PCLO: variants seen among roughly 807,000 people sequenced by gnomAD.
PCLO encodes protein piccolo.
A neutral mutation model predicts 427.5 loss-of-function variants in PCLO; 82 were observed. The observed-to-expected ratio is 0.19, with a 90% confidence interval of 0.16 to 0.23. The LOEUF is 0.23. Among genes scored for constraint, PCLO ranks in the 10% least tolerant of loss-of-function variants. PCLO has a pLI of 1.00. For synonymous variants in PCLO, 2,357 were observed against 2,155.4 expected, an observed-to-expected ratio of 1.09 and a Z score of -2.59; for missense variants, 6,239 against 6,115.9, an observed-to-expected ratio of 1.02 and a Z score of -0.67.
intron 2 of PCLO, among the ~76,000 whole-genome samples, chr7:83,150,716 A>G (rs933973451): frequency 3.3e-5 from 5 of 152,154 alleles, no homozygotes; most frequent in African/African-American, 9.7e-5. Flanking sequence ...AACAAAAAAT[A>G]TTAGAGAAAT....
intron 6 of PCLO, among the ~76,000 whole-genome samples, chr7:82,942,460 T>G (rs1795108167): frequency 6.6e-6 from 1 of 152,160 alleles, no homozygotes; most frequent in Admixed American, 6.5e-5. Context: ...ATTTGATTTT[T>G]TCTGAAAATC....
chr7:82,937,682 T>C (rs1014020151), intron 6 of PCLO, among the ~76,000 whole-genome samples: 2 of 151,714 alleles, frequency 1.3e-5, no homozygotes, highest in African/African-American at 4.8e-5. Context: ...ATATTTACAA[T>C]GTTATCCACC....
At chr7:83,059,376 A>G (rs916888199) in intron 3 of PCLO, among the ~76,000 whole-genome samples, 1 of 116,918 alleles carries the variant, frequency 8.6e-6, no homozygotes, top group East Asian at 3.0e-4. Context: ...ATATATATAT[A>G]TATAAAAATG....
At chr7:83,102,505 T>C (rs982266534) in intron 3 of PCLO, among the ~76,000 whole-genome samples, 1 of 151,966 alleles carries the variant, frequency 6.6e-6, no homozygotes, top group African/African-American at 2.4e-5. Context: ...GGTGGAAAAA[T>C]ACAGACTTCG....
chr7:82,847,642 T>C (rs1406839721), intron 10 of PCLO, among the ~76,000 whole-genome samples: 2 of 152,280 alleles, frequency 1.3e-5, no homozygotes, highest in East Asian at 1.9e-4. Flanking sequence ...ACTAGAAGAA[T>C]GTATTTGGTA....
intron 1 of PCLO, among the ~76,000 whole-genome samples, chr7:83,161,979 C>T (rs930513466): frequency 6.6e-6 from 1 of 152,180 alleles, no homozygotes; most frequent in Non-Finnish European, 1.5e-5. Context: ...AGGTAAACAC[C>T]CAGCTCTATC....
At chr7:82,999,213 A>C (rs938103297) in intron 3 of PCLO, among the ~76,000 whole-genome samples, 2 of 145,858 alleles carry the variant, frequency 1.4e-5, no homozygotes, top group African/African-American at 5.0e-5. Context: ...ATACCTATTA[A>C]AGATATATGG....
intron 8 of PCLO, among the ~76,000 whole-genome samples, chr7:82,903,542 A>T (rs1025690208): frequency 1.3e-5 from 2 of 151,996 alleles, no homozygotes; most frequent in Non-Finnish European, 2.9e-5. Context: ...TTCTGAAACA[A>T]AAGTAAATTA....
intron 15 of PCLO, among the ~76,000 whole-genome samples, chr7:82,836,184 A>C (rs1208066183): frequency 6.6e-6 from 1 of 152,148 alleles, no homozygotes; most frequent in Non-Finnish European, 1.5e-5. Context: ...TAATAAATAA[A>C]AGATAGATAC....
chr7:83,052,711 T>C (rs1583961028), intron 3 of PCLO, among the ~76,000 whole-genome samples: 1 of 152,142 alleles, frequency 6.6e-6, no homozygotes, highest in East Asian at 1.9e-4. Flanking sequence ...GGTTGTTCTA[T>C]AGCTGTTAGT....
chr7:82,990,851 G>A (rs1796360291), intron 3 of PCLO, among the ~76,000 whole-genome samples: 1 of 151,842 alleles, frequency 6.6e-6, no homozygotes, highest in Non-Finnish European at 1.5e-5. Flanking sequence ...GATAAAATAG[G>A]CAAATAAGAT....
At chr7:83,147,074 A>T (rs1345626286) in intron 2 of PCLO, among the ~76,000 whole-genome samples, 1 of 151,870 alleles carries the variant, frequency 6.6e-6, no homozygotes, top group African/African-American at 2.4e-5. Flanking sequence ...AAAATAAAAA[A>T]AAAAAAGGCT....
At chr7:82,991,490 C>A (rs1796375895) in intron 3 of PCLO, among the ~76,000 whole-genome samples, 1 of 152,098 alleles carries the variant, frequency 6.6e-6, no homozygotes, top group African/African-American at 2.4e-5. Flanking sequence ...TTTTTACTAT[C>A]ATGAACCCTA....
intron 3 of PCLO, among the ~76,000 whole-genome samples, chr7:82,999,440 A>C (rs1179490778): frequency 8.5e-6 from 1 of 117,148 alleles, no homozygotes; most frequent in East Asian, 2.6e-4. Flanking sequence ...TTTATTATAT[A>C]TTATTCCATT....
chr7:82,814,193 A>G lies in PCLO; in HGVS notation c.14791+8302T>C, dbSNP rs1791629287. Among the ~76,000 whole-genome samples the G allele has an allele frequency of 3.3e-5, 5 of 151,894 alleles. No individual in the cohort carries two copies. The South Asian group carries it at 1.0e-3, about 31-fold the overall frequency. ...GATGTGTAAATATAATTTAATCTAT[A>G]TCATTCCCAATAAAATAAAAAATTG... On this transcript the variant is annotated intron_variant, in intron 20 of 24. Coordinates refer to ENST00000333891, the MANE Select transcript of PCLO (RefSeq NM_033026.6).
In PCLO at chr7:82,824,344, C is replaced by T; in HGVS notation, c.14488G>A (p.Glu4830Lys). 6.2e-7 allele frequency: 1 copy of T among 1,612,972 alleles called. No individual in the cohort carries two copies. The highest frequency in any genetic ancestry group is 1.1e-5 in the South Asian group (1 of 91,034). Residue 4830 changes from glutamate (E) to lysine (K), a missense_variant, in exon 19 of 25, where the codon GAA (glutamate) becomes AAA (lysine). Around this residue, in one of 5 missense-constraint regions of PCLO, gnomAD observed 877 missense variants for 925.5 expected, o/e 0.95. Transcript: ENST00000333891. ...TGAGACTTGCCATGATCAATGCTTT[C>T]AGTCTGTTCTTTGAGAGGATACCAC... ...PRWYPLKEQT[E>K]SIDHGKSHSS...
At chr7:82,788,173 A>T in intron 22 of PCLO, among the ~76,000 whole-genome samples, 1 of 148,098 alleles carries the variant, frequency 6.8e-6, no homozygotes, top group East Asian at 1.9e-4. Context: ...TTTATAATTT[A>T]TATATTTATG....
At chr7:82,982,427 C>G (rs1166742855) in intron 3 of PCLO, among the ~76,000 whole-genome samples, 1 of 151,924 alleles carries the variant, frequency 6.6e-6, no homozygotes, top group African/African-American at 2.4e-5. Flanking sequence ...GCAAGTTTGA[C>G]GGGGTATTTA....
At chr7:82,927,438 G>A (rs1248291956) in intron 6 of PCLO, among the ~76,000 whole-genome samples, 1 of 152,040 alleles carries the variant, frequency 6.6e-6, no homozygotes, top group Admixed American at 6.6e-5. Flanking sequence ...TTTCAGTCTG[G>A]AGCCTTGTCA....
Sources: gnomAD v4.1 joint callset for allele counts (sites outside exome capture counted in the v4.1 genomes callset) on GRCh38, gnomAD v4.1.1 for gene constraint, gnomAD v4.1.1 regional missense constraint, MANE v1.5 for transcripts, NCBI Gene and HGNC (gene_info 2026-07-23, HGNC 2026-07-21) for gene names.